TFB1M: variants seen among roughly 807,000 people sequenced by gnomAD.
TFB1M encodes transcription factor B1, mitochondrial, also known as dimethyladenosine transferase 1, mitochondrial.
In TFB1M, 27 loss-of-function variants were observed where a neutral mutation model predicts 31.1. That is an observed-to-expected ratio of 0.87 (90% CI 0.64 to 1.20). The LOEUF is 1.20. Ranked by LOEUF, TFB1M falls within the 50% of genes most tolerant of loss-of-function variation. TFB1M has a pLI of 0.00. For synonymous variants in TFB1M, 166 were observed against 151.8 expected (o/e 1.09, Z -0.69); for missense variants, 394 against 418.7 (o/e 0.94, Z 0.51).
the TFB1M span, among the ~76,000 whole-genome samples, chr6:155,243,086 G>C: frequency 8.9e-4 from 136 of 152,232 alleles, no homozygotes; most frequent in African/African-American, 3.1e-3. Flanking sequence ...CATGGGTTTT[G>C]TAACTGCAGT....
rs1278537364 is a variant in TFB1M at position 155,272,603 on chromosome 6, T to C, written c.667-12203A>G. Among the ~76,000 whole-genome samples the C allele has an allele frequency of 2.0e-5, 3 of 152,136 alleles. No homozygotes were observed. In the East Asian group the frequency reaches 5.8e-4, roughly 29 times the overall value. ...TTTTGAGAGAACAGGCCACAAACGG[T>C]ATTATACTCGTGGCTGGAGGGTAAA... On this transcript the variant is annotated intron_variant, in intron 5 of 6. Transcript: ENST00000367166.
chr6:155,305,233 TTAA>T (rs1777637054), intron 2 of TFB1M, among the ~76,000 whole-genome samples: 1 of 36,476 alleles, frequency 2.7e-5, no homozygotes, highest in African/African-American at 1.1e-4. Flanking sequence ...TATATATATA[TTAA>T]ATTATATATT....
rs149605619 is a variant in TFB1M at position 155,297,089 on chromosome 6, T to C, written c.410A>G (p.His137Arg). Residue 137 changes from histidine (H) to arginine (R), a missense_variant, in exon 4 of 7, where the codon CAT becomes CGT. Transcript: ENST00000367166. Reference protein sequence around the residue: ...RPWEDDPPNVHIIGNLPFSVS... With the variant: ...RPWEDDPPNVRIIGNLPFSVS... ...ACTAAAAGGCAGATTTCCAATAATA[T>C]GTACATTTGGAGGATCTGGTGGCAG... is the stretch of plus-strand genomic sequence containing the variant. The C allele has an allele frequency of 1.8e-4, 286 of 1,613,634 alleles. 2 individuals carry two copies. Among genetic ancestry groups the C allele is most frequent in the South Asian group, 1.6e-3 (143 of 91,074 alleles).
intron 1 of TFB1M, 47 bp downstream of exon 1, chr6:155,314,249 C>G: frequency 6.2e-7 from 1 of 1,607,862 alleles, no homozygotes; most frequent in Admixed American, 1.7e-5. Flanking sequence ...GCCCACGCCC[C>G]CACGGACACT....
downstream of TFB1M, chr6:155,254,052 G>T (rs148696218): frequency 4.4e-5 from 71 of 1,613,908 alleles, no homozygotes; most frequent in Admixed American, 1.1e-3. Flanking sequence ...TCTTTCAGTT[G>T]TGTTGCAGGT....
At chr6:155,250,435 T>A in the TFB1M span, 2 of 873,646 alleles carry the variant, frequency 2.3e-6, no homozygotes, top group Non-Finnish European at 3.4e-6. Context: ...CAAGCCAGCA[T>A]GCAGGAAGTA....
intron 4 of TFB1M, among the ~76,000 whole-genome samples, chr6:155,288,971 C>T (rs1776784307): frequency 6.6e-6 from 1 of 152,062 alleles, no homozygotes; most frequent in Non-Finnish European, 1.5e-5. Flanking sequence ...GTTAATTTTT[C>T]TTTAAAAGGA....
chr6:155,288,824 T>A (rs1776779716), intron 4 of TFB1M, among the ~76,000 whole-genome samples: 1 of 152,202 alleles, frequency 6.6e-6, no homozygotes, highest in African/African-American at 2.4e-5. Flanking sequence ...AAAGCTAGCA[T>A]AAAACTGAAA....
At chr6:155,292,005 T>C (rs1387438788) in intron 4 of TFB1M, among the ~76,000 whole-genome samples, 1 of 152,170 alleles carries the variant, frequency 6.6e-6, no homozygotes, top group South Asian at 2.1e-4. Context: ...GAATAAGTCA[T>C]AGGAAACAAG....
intron 5 of TFB1M, chr6:155,276,086 G>A: frequency 6.2e-7 from 1 of 1,614,188 alleles, no homozygotes; most frequent in East Asian, 2.2e-5. Flanking sequence ...TGCTGGAGGA[G>A]TCTGTTTCAT....
chr6:155,303,300 T>C (rs1777518894), intron 2 of TFB1M: 1 of 152,190 alleles, frequency 6.6e-6, no homozygotes. Context: ...CTAGGGTTAC[T>C]GTTGTCTTTA....
At chr6:155,253,469 T>C (rs150198429), downstream of TFB1M, 273 of 181,912 alleles carry the variant, frequency 1.5e-3, 1 homozygote, top group African/African-American at 6.3e-3. Context: ...TGTTCAGAGA[T>C]CCTTCCAGAG....
chr6:155,266,846 C>CAAA (rs1213939199), intron 5 of TFB1M, among the ~76,000 whole-genome samples: 2 of 62,836 alleles, frequency 3.2e-5, no homozygotes, highest in Admixed American at 2.3e-4. Context: ...GACTCCGTCT[C>CAAA]AAAAAAAAAA....
the TFB1M span, among the ~76,000 whole-genome samples, chr6:155,235,689 G>T: frequency 1.3e-5 from 2 of 152,322 alleles, no homozygotes; most frequent in African/African-American, 2.4e-5. Flanking sequence ...AATGTTAAGT[G>T]TACAAAAGGT....
chr6:155,262,186 A>G (rs1784423861), intron 5 of TFB1M, among the ~76,000 whole-genome samples: 1 of 152,028 alleles, frequency 6.6e-6, no homozygotes, highest in African/African-American at 2.4e-5. Flanking sequence ...CTATAGGGAG[A>G]GAAGAAAGGT....
At chr6:155,252,385 A>G (rs1001142766), downstream of TFB1M, among the ~76,000 whole-genome samples, 16 of 152,248 alleles carry the variant, frequency 1.1e-4, no homozygotes, top group East Asian at 5.8e-4. Context: ...AGGAGGATCA[A>G]TTGAGCCCAG....
At chr6:155,231,077 A>T in the TFB1M span, among the ~76,000 whole-genome samples, 10 of 152,024 alleles carry the variant, frequency 6.6e-5, no homozygotes, top group African/African-American at 2.4e-4. Flanking sequence ...CCTGACATCA[A>T]GTGATCCGCC....
intron 4 of TFB1M, among the ~76,000 whole-genome samples, chr6:155,295,273 G>A (rs1777114912): frequency 2.6e-5 from 4 of 152,090 alleles, no homozygotes; most frequent in Admixed American, 6.5e-5. Flanking sequence ...GGCTGAGGCA[G>A]GAGAATGGCG....
At chr6:155,282,872 C>T (rs573489590) in intron 5 of TFB1M, among the ~76,000 whole-genome samples, 3 of 151,952 alleles carry the variant, frequency 2.0e-5, no homozygotes, top group African/African-American at 4.8e-5. Context: ...GGACTTGAGG[C>T]GCCCACCACC....
Sources: gnomAD v4.1 joint callset for allele counts (sites outside exome capture counted in the v4.1 genomes callset) on GRCh38, gnomAD v4.1.1 for gene constraint, MANE v1.5 for transcripts, NCBI Gene and HGNC (gene_info 2026-07-23, HGNC 2026-07-21) for gene names.